Variants in GPR39 observed in about 807,000 individuals in gnomAD.
GPR39 encodes G protein-coupled receptor 39.
GPR39 carries 23 observed loss-of-function variants against 18.4 expected under a neutral mutation model. That is an observed-to-expected ratio of 1.25 (90% CI 0.90 to 1.77). The LOEUF (loss-of-function observed/expected upper bound fraction) is 1.77, where lower values mean the gene tolerates loss of function less well. GPR39 is among the 40% of genes most tolerant of loss of function. The pLI is 0.00. For synonymous variants in GPR39, 280 were observed against 257.9 expected (o/e 1.09, Z -0.82); for missense variants, 647 against 602.4 (o/e 1.07, Z -0.78).
chr2:132,443,639 G>A (rs772707594), intron 1 of GPR39, among the ~76,000 whole-genome samples: 49 of 152,132 alleles, frequency 3.2e-4, no homozygotes, highest in Admixed American at 8.5e-4. Context: ...TGAATTTATC[G>A]GGATGTAGGC....
At chr2:132,626,087 G>C (rs190597047) in intron 1 of GPR39, among the ~76,000 whole-genome samples, 15 of 148,146 alleles carry the variant, frequency 1.0e-4, no homozygotes, top group African/African-American at 3.5e-4. Context: ...GCGACAGAGC[G>C]AGACTCCATC....
chr2:132,531,900 A>G, intron 1 of GPR39, among the ~76,000 whole-genome samples: 1 of 152,250 alleles, frequency 6.6e-6, no homozygotes, highest in Non-Finnish European at 1.5e-5. Flanking sequence ...GAAAGCAGGA[A>G]AGATATAAAA....
chr2:132,460,208 T>G (rs1294284963), intron 1 of GPR39, among the ~76,000 whole-genome samples: 1 of 152,216 alleles, frequency 6.6e-6, no homozygotes, highest in African/African-American at 2.4e-5. Context: ...CCGATGCCTG[T>G]GTTTTAGCTG....
chr2:132,583,202 C>A, intron 1 of GPR39, among the ~76,000 whole-genome samples: 1 of 152,166 alleles, frequency 6.6e-6, no homozygotes, highest in Admixed American at 6.5e-5. Flanking sequence ...CTTGAGCCAC[C>A]TCACAAGTAG....
chr2:132,463,550 A>C (rs1336142790), intron 1 of GPR39, among the ~76,000 whole-genome samples: 1 of 151,900 alleles, frequency 6.6e-6, no homozygotes, highest in Non-Finnish European at 1.5e-5. Context: ...GTCTAGAGTC[A>C]GGGAAATTAA....
At chr2:132,524,358 A>G (rs1558825979) in intron 1 of GPR39, among the ~76,000 whole-genome samples, 1 of 152,230 alleles carries the variant, frequency 6.6e-6, no homozygotes, top group African/African-American at 2.4e-5. Context: ...TTCCTCATCC[A>G]TAAGCTCAGG....
intron 1 of GPR39, among the ~76,000 whole-genome samples, chr2:132,631,460 A>G (rs1681648457): frequency 6.6e-6 from 1 of 152,186 alleles, no homozygotes; most frequent in South Asian, 2.1e-4. Context: ...TCTTGCCTCA[A>G]AACCCTATCT....
chr2:132,574,433 T>G (rs1040767864), intron 1 of GPR39, among the ~76,000 whole-genome samples: 2 of 152,218 alleles, frequency 1.3e-5, no homozygotes, highest in African/African-American at 2.4e-5. Context: ...ACTCTTTATA[T>G]GTTAAGTATA....
At chr2:132,487,593 A>T (rs1356842786) in intron 1 of GPR39, among the ~76,000 whole-genome samples, 9 of 152,220 alleles carry the variant, frequency 5.9e-5, no homozygotes, top group Non-Finnish European at 7.3e-5. Flanking sequence ...AGCAGAGTTG[A>T]CAAAGAACCA....
Position 132,646,040 on chromosome 2 carries a change from CA to C in GPR39, c.*435del, listed in dbSNP as rs775463323. On this transcript the variant is annotated 3_prime_UTR_variant, in exon 2 of 2. Transcript: ENST00000329321. ...ATGCAGGAGGGGGTGGCATCTCCTT[CA>C]GCTTCAGCAGTGTGCCGAGAAGAGG... The C allele has an allele frequency of 2.6e-6, 4 of 1,537,528 alleles. No individual in the cohort carries two copies. In the South Asian group the frequency reaches 5.0e-5, roughly 19 times the overall value.
intron 1 of GPR39, among the ~76,000 whole-genome samples, chr2:132,495,807 CT>C (rs1314395749): frequency 6.6e-6 from 1 of 151,986 alleles, no homozygotes; most frequent in African/African-American, 2.4e-5. Flanking sequence ...TTCTCACCCC[CT>C]CTCTTCTCTT....
intron 1 of GPR39, among the ~76,000 whole-genome samples, chr2:132,558,649 CAA>C (rs1323648245): frequency 1.3e-5 from 2 of 152,136 alleles, no homozygotes; most frequent in African/African-American, 4.8e-5. Context: ...ACCTGATTAA[CAA>C]GACGATGCAC....
rs1679928196 is a variant in GPR39 at position 132,417,509 on chromosome 2, T to C, written c.467T>C (p.Ile156Thr). 2.5e-6 allele frequency: 4 copies of C among 1,614,044 alleles called. No individual in the cohort carries two copies. Among genetic ancestry groups the C allele is most frequent in the South Asian group, 1.1e-5 (1 of 91,078 alleles). The change falls in exon 1 of 2, where the codon ATT (isoleucine) becomes ACT (threonine). Residue 156 changes from isoleucine to threonine, a missense_variant. By Grantham distance (89) the Ile-to-Thr change is moderately conservative. Around this residue, in one of 3 missense-constraint regions of GPR39, gnomAD observed 581 missense variants for 506.8 expected, o/e 1.15. Coordinates refer to ENST00000329321, the MANE Select transcript of GPR39 (RefSeq NM_001508.3). ...VSGPCQVKLL[I>T]GFVWVTSALV... Reference sequence around the variant, plus strand: ...GGACCTTGCCAGGTGAAGCTGCTGATTGGCTTCGTCTGGGTCACCTCCGCC... The same window carrying C: ...GGACCTTGCCAGGTGAAGCTGCTGACTGGCTTCGTCTGGGTCACCTCCGCC...
chr2:132,425,536 C>T (rs1680103804), intron 1 of GPR39, among the ~76,000 whole-genome samples: 1 of 152,164 alleles, frequency 6.6e-6, no homozygotes, highest in Non-Finnish European at 1.5e-5. Context: ...GAAATGGCCT[C>T]CAAAATGCCT....
intron 1 of GPR39, among the ~76,000 whole-genome samples, chr2:132,597,210 G>A (rs1161653536): frequency 6.6e-6 from 1 of 152,202 alleles, no homozygotes; most frequent in Non-Finnish European, 1.5e-5. Flanking sequence ...GCTGGCTTGG[G>A]TTGGGGTCAG....
At chr2:132,547,019 A>G (rs1029854608) in intron 1 of GPR39, among the ~76,000 whole-genome samples, 10 of 152,060 alleles carry the variant, frequency 6.6e-5, no homozygotes, top group African/African-American at 2.4e-4. Flanking sequence ...TGGTCCTTGG[A>G]GGAGCAAGAT....
intron 1 of GPR39, among the ~76,000 whole-genome samples, chr2:132,435,449 A>G (rs955168297): frequency 2.0e-5 from 3 of 152,228 alleles, no homozygotes; most frequent in African/African-American, 7.2e-5. Flanking sequence ...TATGGTATGT[A>G]TACAATACAT....
intron 1 of GPR39, among the ~76,000 whole-genome samples, chr2:132,439,680 G>T (rs766793339): frequency 2.0e-5 from 3 of 152,188 alleles, no homozygotes; most frequent in Non-Finnish European, 4.4e-5. Context: ...TTCCATTTCA[G>T]CACAGGTTTA....
chr2:132,443,747 A>C (rs1054779316), intron 1 of GPR39, among the ~76,000 whole-genome samples: 1 of 152,224 alleles, frequency 6.6e-6, no homozygotes, highest in African/African-American at 2.4e-5. Flanking sequence ...ACTTTCAGTC[A>C]TATAAAACCC....
Sources: gnomAD v4.1 joint callset for allele counts (sites outside exome capture counted in the v4.1 genomes callset) on GRCh38, gnomAD v4.1.1 for gene constraint, gnomAD v4.1.1 regional missense constraint, MANE v1.5 for transcripts, NCBI Gene and HGNC (gene_info 2026-07-23, HGNC 2026-07-21) for gene names.